FBLN2: variants seen among roughly 807,000 people sequenced by gnomAD.
FBLN2 encodes the protein fibulin-2.
FBLN2 carries 81 observed loss-of-function variants against 123.7 expected under a neutral mutation model. The observed-to-expected ratio is 0.65, with a 90% CI of 0.55 to 0.79. FBLN2 has a LOEUF of 0.79. Among genes scored for constraint, FBLN2 ranks in the 30% least tolerant of loss-of-function variants. The pLI is 0.00. For missense variants in FBLN2, 1,603 were observed against 1,681.3 expected (o/e 0.95, Z 0.81); for synonymous variants, 699 against 701.4 (o/e 1.00, Z 0.05).
intron 10 of FBLN2, 32 bp downstream of exon 10, chr3:13,626,611 CCCCGCCCCAT>C: frequency 1.3e-6 from 2 of 1,513,544 alleles, no homozygotes; most frequent in South Asian, 2.5e-5. Context: ...CAACTGGAGG[CCCCGCCCCAT>C]GGCCAGTTTT....
chr3:13,567,206 G>T (rs1221603824), intron 1 of FBLN2, among the ~76,000 whole-genome samples: 1 of 151,824 alleles, frequency 6.6e-6, no homozygotes, highest in Non-Finnish European at 1.5e-5. Flanking sequence ...GTGGGGCAGG[G>T]TGGGCTGGGA....
At chr3:13,630,510 T>A (rs1706219554) in intron 14 of FBLN2, among the ~76,000 whole-genome samples, 189 bp from the exon 15 acceptor site, 1 of 152,208 alleles carries the variant, frequency 6.6e-6, no homozygotes, top group African/African-American at 2.4e-5. Context: ...TGAGGTGAGT[T>A]GGCTGAGACC....
At chr3:13,580,422 C>A (rs3773287) in intron 2 of FBLN2, among the ~76,000 whole-genome samples, 1 of 152,020 alleles carries the variant, frequency 6.6e-6, no homozygotes, top group Admixed American at 6.6e-5. Flanking sequence ...TTGCAGGAGC[C>A]GGGGAGACAG....
intron 1 of FBLN2, among the ~76,000 whole-genome samples, chr3:13,560,667 C>T (rs918963501): frequency 7.2e-5 from 11 of 152,218 alleles, no homozygotes; most frequent in African/African-American, 2.7e-4. Flanking sequence ...AGATTGAAGC[C>T]AACTTGATTA....
chr3:13,630,021 C>A, intron 14 of FBLN2, 76 bp downstream of exon 14: 2 of 1,569,500 alleles, frequency 1.3e-6, no homozygotes, highest in Non-Finnish European at 1.7e-6. Flanking sequence ...AGGCCCAGAG[C>A]CTTCTGTGAC....
intron 1 of FBLN2, among the ~76,000 whole-genome samples, chr3:13,566,930 G>A (rs1006940775): frequency 1.3e-5 from 2 of 152,274 alleles, no homozygotes; most frequent in African/African-American, 4.8e-5. Flanking sequence ...CACGTTCACT[G>A]GGTGGATGCA....
intron 5 of FBLN2, among the ~76,000 whole-genome samples, chr3:13,615,399 G>A (rs1236721095): frequency 6.6e-6 from 1 of 152,196 alleles, no homozygotes; most frequent in East Asian, 1.9e-4. Flanking sequence ...GGCCCCTGTG[G>A]ATTTGTCCTG....
rs778928223 is a variant in FBLN2, at chr3:13,626,579, G to C, written c.2431G>C (p.Asp811His). The change falls in exon 10 of 18, where the codon GAC becomes CAC. Residue 811 changes from aspartate to histidine, a missense_variant and splice_region_variant. Transcript: ENST00000404922. ...GYALKDGECEDVDECAMGTHT... is the reference protein window; with the variant it reads ...GYALKDGECEHVDECAMGTHT... ...TGCCCTCAAGGATGGCGAGTGCGAA[G>C]GTGAGAAGGGCCCAGAAGGACCAAC... 1.3e-6 allele frequency: 2 copies of C among 1,541,470 alleles called. No homozygotes were observed. Among genetic ancestry groups the C allele is most frequent in the Admixed American group, 3.9e-5 (2 of 50,714 alleles).
chr3:13,578,926 A>G (rs949687732), intron 2 of FBLN2, among the ~76,000 whole-genome samples: 23 of 152,192 alleles, frequency 1.5e-4, no homozygotes, highest in African/African-American at 5.5e-4. Flanking sequence ...GTGGTGGTGC[A>G]TGCCTATAAT....
chr3:13,594,913 C>T (rs1156497321), intron 2 of FBLN2, among the ~76,000 whole-genome samples: 1 of 152,204 alleles, frequency 6.6e-6, no homozygotes, highest in African/African-American at 2.4e-5. Flanking sequence ...AAGATGGGGA[C>T]TTGAACTTCC....
At chr3:13,555,138 G>A (rs547116765) in intron 1 of FBLN2, among the ~76,000 whole-genome samples, 4 of 152,014 alleles carry the variant, frequency 2.6e-5, no homozygotes, top group African/African-American at 9.7e-5. Context: ...TTTTAGTAGA[G>A]ATGGGGTTTC....
At chr3:13,563,016 A>G (rs1703653671) in intron 1 of FBLN2, among the ~76,000 whole-genome samples, 1 of 152,198 alleles carries the variant, frequency 6.6e-6, no homozygotes, top group Non-Finnish European at 1.5e-5. Context: ...TTGTTTATCC[A>G]TCCATCCATT....
At chr3:13,634,308 T>C (rs1274714503) in intron 16 of FBLN2, among the ~76,000 whole-genome samples, 1 of 152,248 alleles carries the variant, frequency 6.6e-6, no homozygotes, top group East Asian at 1.9e-4. Flanking sequence ...GCTCCCACGT[T>C]AGCCTGCGCT....
intron 6 of FBLN2, 45 bp downstream of exon 6, chr3:13,618,330 T>C (rs563305196): frequency 1.3e-6 from 2 of 1,585,634 alleles, no homozygotes; most frequent in Non-Finnish European, 1.7e-6. Context: ...GAAGGGCTGA[T>C]CTTGCCAGGG....
intron 1 of FBLN2, among the ~76,000 whole-genome samples, chr3:13,555,795 T>C (rs565869817): frequency 4.6e-5 from 7 of 152,184 alleles, no homozygotes; most frequent in Admixed American, 3.9e-4. Flanking sequence ...GTCTGAGAGG[T>C]GTGGGAGGCA....
chr3:13,636,603 G>T lies in FBLN2; in HGVS notation c.3338+35G>T, dbSNP rs546706487. ...CCCACCCCAGTCCCAGTCCCAGGGA[G>T]CCTGTCCTGGTCCTGTACTATCCAG... is the stretch of plus-strand genomic sequence containing the variant. On this transcript the variant is annotated intron_variant, in intron 17 of 17. Coordinates refer to ENST00000404922, the MANE Select transcript of FBLN2 (RefSeq NM_001004019.2). 15 of 1,604,890 alleles carry T rather than the reference G, an allele frequency of 9.3e-6. No homozygotes were observed. In the South Asian group the frequency reaches 1.6e-4, roughly 17 times the overall value.
chr3:13,549,943 CAT>C (rs1703277939), intron 1 of FBLN2, among the ~76,000 whole-genome samples: 1 of 152,202 alleles, frequency 6.6e-6, no homozygotes, highest in African/African-American at 2.4e-5. Context: ...CTGATAAACA[CAT>C]GTGCCCTTAC....
intron 2 of FBLN2, among the ~76,000 whole-genome samples, chr3:13,572,659 C>G (rs1257390655): frequency 1.3e-5 from 2 of 152,256 alleles, no homozygotes; most frequent in East Asian, 3.8e-4. Context: ...ATGCCTGCTC[C>G]CAGCAGGTCC....
intron 5 of FBLN2, among the ~76,000 whole-genome samples, chr3:13,616,510 C>G (rs17038341): frequency 6.6e-6 from 1 of 152,058 alleles, no homozygotes; most frequent in Non-Finnish European, 1.5e-5. Context: ...GGGACCAGAC[C>G]GCCAGCCATC....
Sources: allele counts gnomAD v4.1 joint callset (sites outside exome capture counted in the v4.1 genomes callset), GRCh38; gene constraint gnomAD v4.1.1; transcripts MANE v1.5; gene names NCBI Gene and HGNC (gene_info 2026-07-23, HGNC 2026-07-21).